OXTR: variants seen among roughly 807,000 people sequenced by gnomAD.
OXTR encodes the protein oxytocin receptor.
Under a neutral mutation model 23.9 loss-of-function variants are expected in OXTR, and 19 were observed. The observed-to-expected ratio is 0.80, with a 90% CI of 0.56 to 1.17. The LOEUF (loss-of-function observed/expected upper bound fraction) is 1.17, where lower values mean the gene tolerates loss of function less well. Among genes scored for constraint, OXTR ranks in the 50% most tolerant of loss-of-function variants. The pLI is 0.00. For missense variants in OXTR, 500 were observed against 550.7 expected, an observed-to-expected ratio of 0.91 and a Z score of 0.92; for synonymous variants, 278 against 250.5, an observed-to-expected ratio of 1.11 and a Z score of -1.04.
At chr3:8,741,533 T>C in the OXTR span, among the ~76,000 whole-genome samples, 2 of 152,078 alleles carry the variant, frequency 1.3e-5, no homozygotes, top group Non-Finnish European at 2.9e-5. Flanking sequence ...CGTCTCTGTG[T>C]AGAGTTGAAA....
chr3:8,769,512 G>A lies in OXTR; in HGVS notation c.-520C>T, dbSNP rs201582203. 4 of 152,386 alleles carry A rather than the reference G, an allele frequency of 2.6e-5. No homozygotes were observed. The highest frequency in any genetic ancestry group is 5.9e-5 in the Non-Finnish European group (4 of 68,156). 9.4% of individuals were successfully genotyped at this position (152,386 alleles called of 1,614,324 possible). A position where few individuals can be genotyped will look rare whatever the true frequency, so the allele number is the denominator to read the frequency against. On this transcript the variant is annotated 5_prime_UTR_variant, in exon 1 of 4. Coordinates refer to ENST00000316793, the MANE Select transcript of OXTR (RefSeq NM_000916.4). ...TGCGGCGCTGTGCGCTGGGGCTGAG[G>A]CTGCACTATCGCACGGGTCCGCTAG... is the stretch of plus-strand genomic sequence containing the variant.
intron 3 of OXTR, among the ~76,000 whole-genome samples, chr3:8,757,111 A>T (rs1708389875): frequency 6.6e-6 from 1 of 152,082 alleles, no homozygotes; most frequent in African/African-American, 2.4e-5. Context: ...CTCCCACCTA[A>T]TCACTCTCTG....
chr3:8,743,322 C>A, the OXTR span, among the ~76,000 whole-genome samples: 1 of 152,122 alleles, frequency 6.6e-6, no homozygotes, highest in South Asian at 2.1e-4. Flanking sequence ...GGGGGTTTGA[C>A]TAGAACCTCC....
At chr3:8,745,292 C>A in the OXTR span, among the ~76,000 whole-genome samples, 1 of 152,152 alleles carries the variant, frequency 6.6e-6, no homozygotes, top group South Asian at 2.1e-4. This position sits in a 1 kb window ranked among gnomAD's most constrained non-coding sequence, Gnocchi z 4.8. Flanking sequence ...ATGCCAGCAC[C>A]ATGATTCCTG....
At chr3:8,761,377 T>C (rs1708482510) in intron 3 of OXTR, among the ~76,000 whole-genome samples, 1 of 152,098 alleles carries the variant, frequency 6.6e-6, no homozygotes, top group Non-Finnish European at 1.5e-5. Context: ...TGTCAGGACC[T>C]TGGGGCCAGA....
chr3:8,747,733 G>T (rs149242924), downstream of OXTR, among the ~76,000 whole-genome samples: 50 of 152,326 alleles, frequency 3.3e-4, no homozygotes, highest in African/African-American at 1.1e-3. Context: ...AAGGACTAAG[G>T]CTGATGTTAC....
chr3:8,752,335 T>G lies in OXTR; in HGVS notation c.*642A>C, dbSNP rs931550436. On this transcript the variant is annotated 3_prime_UTR_variant, in exon 4 of 4. Transcript: ENST00000316793. ...TAGTTTTACTTCTTCTTTTCCTATCTGGATACATTTATTTCTTTTTCTTTC... is the reference window on the plus strand; with the variant it reads ...TAGTTTTACTTCTTCTTTTCCTATCGGGATACATTTATTTCTTTTTCTTTC... The G allele has an allele frequency of 3.3e-5, 5 of 152,540 alleles. No homozygotes were observed. Among genetic ancestry groups the G allele is most frequent in the African/African-American group, 1.2e-4 (5 of 41,454 alleles). 9.4% of individuals were successfully genotyped at this position (152,540 alleles called of 1,614,324 possible).
chr3:8,743,258 G>A, the OXTR span, among the ~76,000 whole-genome samples: 1 of 152,294 alleles, frequency 6.6e-6, no homozygotes, highest in African/African-American at 2.4e-5. Flanking sequence ...GGTTGTGGAT[G>A]TATGGATGAA....
rs1267987526 is a variant in OXTR at position 8,752,317 on chromosome 3, ACTT to A, written c.*657_*659del. The A allele has an allele frequency of 6.6e-6, 1 of 152,104 alleles. No homozygotes were observed. Among genetic ancestry groups the A allele is most frequent in the East Asian group, 1.9e-4 (1 of 5,184 alleles). The allele number at this position is 152,104 out of a possible 1,614,324, so 9.4% of individuals were successfully genotyped here. A position where few individuals can be genotyped will look rare whatever the true frequency, so the allele number is the denominator to read the frequency against. ...AACTGTGTCATCTGCAAATAGTTTT[ACTT>A]CTTCTTTTCCTATCTGGATACATTT... On this transcript the variant is annotated 3_prime_UTR_variant, in exon 4 of 4. Transcript: ENST00000316793.
chr3:8,743,220 C>T, the OXTR span, among the ~76,000 whole-genome samples: 6 of 152,192 alleles, frequency 3.9e-5, no homozygotes, highest in East Asian at 3.9e-4. Flanking sequence ...GAGATTTGGA[C>T]GGGACAAACA....
At chr3:8,747,783 T>C (rs144616942), downstream of OXTR, among the ~76,000 whole-genome samples, 13 of 152,344 alleles carry the variant, frequency 8.5e-5, no homozygotes, top group African/African-American at 2.9e-4. Flanking sequence ...CAAACGTCTC[T>C]TGAAATCACG....
At position 8,753,158 on chromosome 3, in the gene OXTR, A is replaced by G. The variant is rs1378025564; in HGVS notation, c.989T>C (p.Met330Thr). 1 of 1,614,106 alleles carries G rather than the reference A, an allele frequency of 6.2e-7. No individual in the cohort carries two copies. Among genetic ancestry groups the G allele is most frequent in the Admixed American group, 1.7e-5 (1 of 60,018 alleles). ...GTGGAAGAGGTGGCCCGTGAACAGC[A>G]TGTAGATCCAGGGGTTGCAGCAGCT... ...LNSCCNPWIY[M>T]LFTGHLFHEL... Residue 330 changes from methionine (M) to threonine (T), a missense_variant, in exon 4 of 4, where the codon ATG (methionine) becomes ACG (threonine). By Grantham distance (81) the Met-to-Thr change is moderately conservative (BLOSUM62 -1). Transcript: ENST00000316793.
At position 8,768,830 on chromosome 3, in the gene OXTR, C is replaced by T. The variant is rs931185297; in HGVS notation, c.-238-239G>A. Among the ~76,000 whole-genome samples, 1 of 152,176 alleles carries T rather than the reference C, an allele frequency of 6.6e-6. No homozygotes were observed. The highest frequency in any genetic ancestry group is 2.4e-5 in the African/African-American group (1 of 41,444). On this transcript the variant is annotated intron_variant, in intron 1 of 3. Coordinates refer to ENST00000316793, the MANE Select transcript of OXTR (RefSeq NM_000916.4). The surrounding 1 kb of genome is among the most constrained non-coding windows in gnomAD (Gnocchi z 5.4). ...CTGGGAAACCCCAGCTCTGGTCCTT[C>T]CCCGTCTAACCCCCTTTTCTAAGAC... is the stretch of plus-strand genomic sequence containing the variant.
At position 8,768,173 on chromosome 3, in the gene OXTR, G is replaced by A. The variant is rs1708681741; in HGVS notation, c.15C>T (p.Leu5=). The part of the protein sequence containing the change: MEGA[L]AANWSAEAAN... ...CTGCCTCGGCGCTCCAGTTGGCTGC[G>A]AGCGCGCCCTCCATGACCCTGGCGG... Residue 5 remains leucine (L), a synonymous_variant, in exon 3 of 4, where the codon CTC becomes CTT. Transcript: ENST00000316793. The surrounding 1 kb of genome is among the most constrained non-coding windows in gnomAD (Gnocchi z 5.4). 5 of 1,324,106 alleles carry A rather than the reference G, an allele frequency of 3.8e-6. No homozygotes were observed. The highest frequency in any genetic ancestry group is 2.2e-5 in the South Asian group (1 of 45,436). The allele number at this position is 1,324,106 out of a possible 1,614,324, so 82.0% of individuals were successfully genotyped here.
the OXTR span, chr3:8,742,441 T>C: frequency 2.7e-5 from 12 of 449,698 alleles, no homozygotes; most frequent in Admixed American, 1.9e-4. Context: ...GGATTATTAC[T>C]GTAAGTACTG....
Position 8,768,422 on chromosome 3 carries a change from A to G in OXTR, c.-143+74T>C. The G allele has an allele frequency of 1.7e-6, 1 of 573,862 alleles. No individual in the cohort carries two copies. The allele number at this position is 573,862 out of a possible 1,614,324, so 35.5% of individuals were successfully genotyped here. The stretch of plus-strand genomic sequence containing the variant: ...TGTCCCATTCCCAGGAACCCAACTC[A>G]TCTGAAACAACAGGGCACAACCGCC... On this transcript the variant is annotated intron_variant, in intron 2 of 3. Transcript: ENST00000316793. The surrounding 1 kb of genome is among the most constrained non-coding windows in gnomAD (Gnocchi z 5.4).
chr3:8,767,709 G>C lies in OXTR; in HGVS notation c.479C>G (p.Thr160Arg). ...GCTGGCCACCAGGCAGCCGAGCCAC[G>C]TGGCGAGCACTGCCAGGCGGTCGGT... The part of the protein sequence containing the change: ...RRTDRLAVLA[T>R]WLGCLVASAP... Residue 160 changes from threonine (T) to arginine (R), a missense_variant, in exon 3 of 4, where the codon ACG (threonine) becomes AGG (arginine). By Grantham distance (71) the Thr-to-Arg change is moderately conservative. Coordinates refer to ENST00000316793, the MANE Select transcript of OXTR (RefSeq NM_000916.4). 1.2e-6 allele frequency: 2 copies of C among 1,609,848 alleles called. No homozygotes were observed. The highest frequency in any genetic ancestry group is 2.2e-5 in the South Asian group (2 of 90,696).
At chr3:8,743,777 A>G in the OXTR span, among the ~76,000 whole-genome samples, 1 of 152,214 alleles carries the variant, frequency 6.6e-6, no homozygotes, top group African/African-American at 2.4e-5. Context: ...TCTGAGCAAC[A>G]TGGTTCTAGT....
chr3:8,758,871 G>A (rs1201155369), intron 3 of OXTR, among the ~76,000 whole-genome samples: 1 of 152,176 alleles, frequency 6.6e-6, no homozygotes, highest in African/African-American at 2.4e-5. Context: ...ACCCTTCAAG[G>A]AATGACAAGG....
Sources: gnomAD v4.1 joint callset for allele counts (sites outside exome capture counted in the v4.1 genomes callset) on GRCh38, gnomAD v4.1.1 for gene constraint, Gnocchi (gnomAD v3.1) non-coding constraint, MANE v1.5 for transcripts, NCBI Gene and HGNC (gene_info 2026-07-23, HGNC 2026-07-21) for gene names.